TRIM2: variants seen among roughly 807,000 people sequenced by gnomAD.
The protein encoded by TRIM2 is tripartite motif containing 2, also known as tripartite motif-containing protein 2.
A neutral mutation model predicts 75.2 loss-of-function variants in TRIM2; 20 were observed. The ratio of observed to expected loss-of-function variants is 0.27; its 90% confidence interval spans 0.19 to 0.39. TRIM2 has a LOEUF of 0.39. Ranked by LOEUF, TRIM2 falls within the 10% of genes least tolerant of loss-of-function variation. TRIM2 has a pLI of 1.00. For missense variants in TRIM2, 660 were observed against 990.8 expected (o/e 0.67, Z 4.48); for synonymous variants, 373 against 388.3 (o/e 0.96, Z 0.46).
chr4:153,336,115 A>ATT lies in TRIM2; in HGVS notation c.*1150_*1151dup, dbSNP rs962752548. ...ACATGATTAGGGTAAGATAGAATGT[A>ATT]TTATATATATATATATATACACACA... On this transcript the variant is annotated 3_prime_UTR_variant, in exon 12 of 12. Coordinates refer to ENST00000338700, the MANE Select transcript of TRIM2 (RefSeq NM_015271.5). 101 of 919,898 alleles carry ATT rather than the reference A, an allele frequency of 1.1e-4. No homozygotes were observed. The highest frequency in any genetic ancestry group is 6.2e-4 in the Admixed American group (9 of 14,500). 57.0% of individuals were successfully genotyped at this position (919,898 alleles called of 1,614,324 possible).
chr4:153,334,379 TTGCTTTTTTTTTTTTC>T (rs1454758271), intron 11 of TRIM2, among the ~76,000 whole-genome samples: 2 of 151,724 alleles, frequency 1.3e-5, no homozygotes, highest in African/African-American at 4.8e-5. Context: ...CTTTTTTGTT[TTGCTTTTTTTTTTTTC>T]TGCTTTTTTT....
intron 3 of TRIM2, among the ~76,000 whole-genome samples, chr4:153,277,588 C>G (rs769831394): frequency 6.6e-6 from 1 of 152,144 alleles, no homozygotes; most frequent in Admixed American, 6.5e-5. Context: ...CTCCTTAAAC[C>G]CCCCTCTGCA....
At chr4:153,217,971 G>A (rs1345009260) in intron 1 of TRIM2, among the ~76,000 whole-genome samples, 1 of 152,114 alleles carries the variant, frequency 6.6e-6, no homozygotes, top group Non-Finnish European at 1.5e-5. Context: ...TCAGAAGGAA[G>A]TTATTATTTT....
Position 153,248,849 on chromosome 4 carries a change from G to A in TRIM2, c.31-21486G>A, listed in dbSNP as rs1306086722. 1.3e-5 allele frequency among the ~76,000 whole-genome samples: 2 copies of A among 152,228 alleles called. No homozygotes were observed. The highest frequency in any genetic ancestry group is 4.8e-5 in the African/African-American group (2 of 41,458). Reference sequence around the variant, plus strand: ...TCTGATTAGCTCCCTCTGCCAAGGTGCCCAGGCTCCTACTTCAGTGTCACC... The same window carrying A: ...TCTGATTAGCTCCCTCTGCCAAGGTACCCAGGCTCCTACTTCAGTGTCACC... On this transcript the variant is annotated intron_variant, in intron 1 of 11. Coordinates refer to ENST00000338700, the MANE Select transcript of TRIM2 (RefSeq NM_015271.5). This position sits in a 1 kb window ranked among gnomAD's most constrained non-coding sequence, Gnocchi z 4.0.
At chr4:153,308,018 T>G in intron 6 of TRIM2, 1 of 768,550 alleles carries the variant, frequency 1.3e-6, no homozygotes, top group Non-Finnish European at 2.4e-6. Context: ...CCAGGTCTCC[T>G]TTAACCTCTT....
Position 153,204,551 on chromosome 4 carries a change from T to G in TRIM2, c.21T>G (p.Tyr7Ter). 1 of 1,551,748 alleles carries G rather than the reference T, an allele frequency of 6.4e-7. No individual in the cohort carries two copies. Among genetic ancestry groups the G allele is most frequent in the Non-Finnish European group, 8.7e-7 (1 of 1,147,008 alleles). MHRSGRYGTQQQRAGSK... is the reference protein window; with the variant it reads MHRSGR Reference sequence around the variant, plus strand: ...CTTCGATGCACAGGAGTGGCCGTTATGGAACGCAGGTAAGGACGCTTCTCA... The same window carrying G: ...CTTCGATGCACAGGAGTGGCCGTTAGGGAACGCAGGTAAGGACGCTTCTCA... The change falls in exon 1 of 12, where the codon TAT (tyrosine) becomes TAG (stop). Residue 7 changes from tyrosine to a stop codon, truncating the protein, a stop_gained. Coordinates refer to ENST00000338700, the MANE Select transcript of TRIM2 (RefSeq NM_015271.5). LOFTEE classifies it high-confidence loss of function.
rs1377467228 is a variant in TRIM2, at chr4:153,331,334, CA to C, written c.2163+2673del. Among the ~76,000 whole-genome samples, 14 of 150,030 alleles carry C rather than the reference CA, an allele frequency of 9.3e-5. No homozygotes were observed. In the East Asian group the frequency reaches 2.7e-3, roughly 29 times the overall value. ...CAAGACCCTGTCTCTTAAGAAAAAA[CA>C]AAAAAAAATTATATTTTTATAAACT... On this transcript the variant is annotated intron_variant, in intron 11 of 11. Coordinates refer to ENST00000338700, the MANE Select transcript of TRIM2 (RefSeq NM_015271.5).
intron 1 of TRIM2, among the ~76,000 whole-genome samples, chr4:153,180,377 G>C (rs1194684836): frequency 1.3e-5 from 2 of 152,220 alleles, no homozygotes; most frequent in Admixed American, 6.5e-5. Flanking sequence ...GGGTCATGCA[G>C]CTAATTGGGA....
chr4:153,277,196 C>T (rs1443597910), intron 3 of TRIM2, among the ~76,000 whole-genome samples: 2 of 152,220 alleles, frequency 1.3e-5, no homozygotes, highest in African/African-American at 2.4e-5. Flanking sequence ...TTTCCCTCCT[C>T]GGGGCCTGGC....
intron 2 of TRIM2, among the ~76,000 whole-genome samples, chr4:153,271,586 C>T (rs184779828): frequency 7.9e-5 from 12 of 151,786 alleles, no homozygotes; most frequent in Non-Finnish European, 1.5e-4. Flanking sequence ...TGTGTGTGTG[C>T]GTGTGCTTGT....
chr4:153,170,344 A>G (rs1303587148), intron 1 of TRIM2, among the ~76,000 whole-genome samples: 1 of 152,184 alleles, frequency 6.6e-6, no homozygotes, highest in Non-Finnish European at 1.5e-5. Context: ...TAAACTAATC[A>G]ATATAATTGT....
intron 1 of TRIM2, among the ~76,000 whole-genome samples, chr4:153,241,779 C>T (rs1188969775): frequency 1.3e-5 from 2 of 152,150 alleles, no homozygotes; most frequent in Non-Finnish European, 2.9e-5. Flanking sequence ...AACGGGTGCA[C>T]AGATTCTTGA....
Position 153,177,707 on chromosome 4 carries a change from C to CTTCCTTCCTTCCTTCCT in TRIM2, c.-49+24438_-49+24439insTCCTTCCTTCCTTCCTT, listed in dbSNP as rs555687002. Among the ~76,000 whole-genome samples the CTTCCTTCCTTCCTTCCT allele has an allele frequency of 9.0e-4, 121 of 133,970 alleles. 1 individual carries two copies. Among genetic ancestry groups the CTTCCTTCCTTCCTTCCT allele is most frequent in the African/African-American group, 3.2e-3 (113 of 35,378 alleles). The allele number at this position is 133,970 out of a possible 152,430, so 87.9% of individuals were successfully genotyped here. A position where few individuals can be genotyped will look rare whatever the true frequency, so the allele number is the denominator to read the frequency against. On this transcript the variant is annotated intron_variant, in intron 1 of 11. Transcript: ENST00000437508. ...GAAAGGGAGAATGGATGGTGGCTCG[C>CTTCCTTCCTTCCTTCCT]TCCTTCCTTCCTTCCTTCCTTCCTT...
intron 3 of TRIM2, among the ~76,000 whole-genome samples, chr4:153,286,980 T>C (rs1388729869): frequency 5.9e-5 from 9 of 152,058 alleles, no homozygotes; most frequent in Non-Finnish European, 1.3e-4. Flanking sequence ...TTTTCCTTTT[T>C]CTCTCTCTCT....
intron 1 of TRIM2, among the ~76,000 whole-genome samples, chr4:153,166,476 C>G (rs1435222900): frequency 1.3e-5 from 2 of 151,120 alleles, no homozygotes; most frequent in Non-Finnish European, 2.9e-5. Flanking sequence ...AGGATTTTCC[C>G]TCCCTCCCTC....
At position 153,179,237 on chromosome 4, in the gene TRIM2, AAAT is replaced by A. The variant is rs1180937957; in HGVS notation, c.-49+25971_-49+25973del. Among the ~76,000 whole-genome samples, 14 of 151,128 alleles carry A rather than the reference AAAT, an allele frequency of 9.3e-5. No individual in the cohort carries two copies. The East Asian group carries it at 1.2e-3, about 13-fold the overall frequency. On this transcript the variant is annotated intron_variant, in intron 1 of 11. Coordinates refer to the TRIM2 transcript ENST00000437508. ...AATACATTAATTTTATTTTTAAAAT[AAAT>A]AATGTTAAGTAAATACCTACTTAAT...
intron 1 of TRIM2, among the ~76,000 whole-genome samples, chr4:153,224,468 T>C (rs1225208477): frequency 1.3e-5 from 2 of 152,182 alleles, no homozygotes; most frequent in African/African-American, 2.4e-5. Context: ...AACTCATTCT[T>C]TTAACTCATT....
chr4:153,264,882 G>A (rs1754523679), intron 1 of TRIM2, among the ~76,000 whole-genome samples: 1 of 152,192 alleles, frequency 6.6e-6, no homozygotes, highest in Admixed American at 6.5e-5. Context: ...TAAAAATCCA[G>A]ATGCCTTCAA....
chr4:153,317,492 C>CA (rs1218191132), intron 8 of TRIM2, among the ~76,000 whole-genome samples: 3 of 150,934 alleles, frequency 2.0e-5, no homozygotes. Flanking sequence ...ACTAAAAATA[C>CA]AAAAAAATTA....
Sources: allele counts gnomAD v4.1 joint callset (sites outside exome capture counted in the v4.1 genomes callset), GRCh38; gene constraint gnomAD v4.1.1; non-coding constraint Gnocchi (gnomAD v3.1); transcripts MANE v1.5; gene names NCBI Gene and HGNC (gene_info 2026-07-23, HGNC 2026-07-21).